HAVCR2: variants seen among roughly 807,000 people sequenced by gnomAD.
HAVCR2 encodes the protein T cell immunoglobulin mucin 3.
HAVCR2 carries 13 observed loss-of-function variants against 24.7 expected under a neutral mutation model. That is an observed-to-expected ratio of 0.53 (90% CI 0.34 to 0.84). The LOEUF (loss-of-function observed/expected upper bound fraction) is 0.84, where lower values mean the gene tolerates loss of function less well. Ranked by LOEUF, HAVCR2 falls within the 40% of genes least tolerant of loss-of-function variation. The pLI, the probability that HAVCR2 is intolerant of heterozygous loss-of-function variation, is 0.01. For synonymous variants in HAVCR2, 154 were observed against 143.4 expected (o/e 1.07, Z -0.53); for missense variants, 343 against 371.2 (o/e 0.92, Z 0.62).
intron 5 of HAVCR2, 88 bp downstream of exon 5, chr5:157,095,218 A>C: frequency 2.1e-6 from 3 of 1,411,172 alleles, no homozygotes; most frequent in Non-Finnish European, 2.9e-6. Flanking sequence ...CTTTGGGTAT[A>C]AACATGAATT....
intron 1 of HAVCR2, among the ~76,000 whole-genome samples, chr5:157,108,319 C>T (rs1757281861): frequency 6.6e-6 from 1 of 151,882 alleles, no homozygotes; most frequent in African/African-American, 2.4e-5. Context: ...CCTGTCTCTA[C>T]TAAAAATTAA....
chr5:157,102,485 A>G (rs1438204135), intron 3 of HAVCR2, among the ~76,000 whole-genome samples: 1 of 152,068 alleles, frequency 6.6e-6, no homozygotes, highest in Non-Finnish European at 1.5e-5. Context: ...ATTCATTTCA[A>G]TTTTTTATTT....
chr5:157,099,103 C>A (rs948866054), intron 3 of HAVCR2, among the ~76,000 whole-genome samples: 1 of 152,082 alleles, frequency 6.6e-6, no homozygotes, highest in Non-Finnish European at 1.5e-5. Context: ...TTTAGGATGG[C>A]CACATTTTTT....
Position 157,095,355 on chromosome 5 carries a change from G to C in HAVCR2, c.627C>G (p.Ile209Met). 1 of 1,614,140 alleles carries C rather than the reference G, an allele frequency of 6.2e-7. No individual in the cohort carries two copies. Among genetic ancestry groups the C allele is most frequent in the Non-Finnish European group, 8.5e-7 (1 of 1,180,016 alleles). The change falls in exon 5 of 7, where the codon ATC (isoleucine) becomes ATG (methionine). Residue 209 changes from isoleucine to methionine, a missense_variant. Transcript: ENST00000307851. ...IRIGIYIGAG[I>M]CAGLALALIF... ...TAAGAGCCAGAGCCAGCCCAGCACA[G>C]ATCCCTGCTCCGATGTAGATGCCTA...
chr5:157,104,645 C>G, intron 3 of HAVCR2, 21 bp downstream of exon 3: 1 of 1,546,728 alleles, frequency 6.5e-7, no homozygotes, highest in Non-Finnish European at 8.9e-7. Flanking sequence ...AGATTCCCTC[C>G]TCTGCCCCAT....
chr5:157,098,909 AAGAGAG>A lies in HAVCR2; in HGVS notation c.479-14_479-9del, dbSNP rs70984443. ...CCAGTGTCTGTGTCTCTGCTATAAAAAGAGAGAGAGAGAGAGAGAGAGGAAAAATAG... is the reference window on the plus strand; with the variant it reads ...CCAGTGTCTGTGTCTCTGCTATAAAAAGAGAGAGAGAGAGAGGAAAAATAG... On this transcript the variant is annotated splice_polypyrimidine_tract_variant and intron_variant, in intron 3 of 6. Transcript: ENST00000307851. 49 of 1,567,250 alleles carry A rather than the reference AAGAGAG, an allele frequency of 3.1e-5. No individual in the cohort carries two copies. Among genetic ancestry groups the A allele is most frequent in the Middle Eastern group, 1.7e-4 (1 of 5,934 alleles).
At chr5:157,089,051 C>G in intron 5 of HAVCR2, 74 bp from the exon 6 acceptor site, 1 of 1,331,622 alleles carries the variant, frequency 7.5e-7, no homozygotes, top group Non-Finnish European at 1.1e-6. Context: ...AATAGGTTCA[C>G]TGGAAGCACG....
intron 3 of HAVCR2, among the ~76,000 whole-genome samples, chr5:157,100,945 A>G (rs1251505067): frequency 4.6e-5 from 7 of 151,968 alleles, no homozygotes; most frequent in African/African-American, 1.7e-4. Flanking sequence ...AAATACAAAA[A>G]ATTAGCCGGG....
At chr5:157,098,695 T>G (rs1487026626) in intron 4 of HAVCR2, among the ~76,000 whole-genome samples, 163 bp downstream of exon 4, 1 of 152,198 alleles carries the variant, frequency 6.6e-6, no homozygotes, top group Non-Finnish European at 1.5e-5. Flanking sequence ...AGCAGGCCTA[T>G]GAGGTTAGAA....
chr5:157,097,379 C>T (rs1008533992), intron 4 of HAVCR2, among the ~76,000 whole-genome samples: 1 of 151,774 alleles, frequency 6.6e-6, no homozygotes, highest in Admixed American at 6.6e-5. Context: ...CTCAGCCTCC[C>T]AAGTAGCTGG....
chr5:157,089,335 A>C (rs1756959152), intron 5 of HAVCR2, among the ~76,000 whole-genome samples: 10 of 152,142 alleles, frequency 6.6e-5, no homozygotes, highest in Non-Finnish European at 1.5e-5. Flanking sequence ...CCCCAGACCC[A>C]AGACCAGCCT....
In HAVCR2 at chr5:157,087,048, C is replaced by T. The variant is rs2113682402; in HGVS notation, c.*54G>A. On this transcript the variant is annotated 3_prime_UTR_variant, in exon 7 of 7. Transcript: ENST00000307851. ...CTCCAAAACCAGTCAGGTGACACAG[C>T]TCATAGTTTCTGAAAAAGACAAAAC... 2 of 1,531,932 alleles carry T rather than the reference C, an allele frequency of 1.3e-6. No homozygotes were observed. The highest frequency in any genetic ancestry group is 1.8e-6 in the Non-Finnish European group (2 of 1,111,640). 94.9% of individuals were successfully genotyped at this position (1,531,932 alleles called of 1,614,324 possible).
At chr5:157,091,291 C>CA (rs1450289013) in intron 5 of HAVCR2, among the ~76,000 whole-genome samples, 2 of 152,014 alleles carry the variant, frequency 1.3e-5, no homozygotes, top group Non-Finnish European at 2.9e-5. Flanking sequence ...ACTAAAAATA[C>CA]AAAATTAGCC....
At chr5:157,108,583 G>C (rs1561625052) in intron 1 of HAVCR2, among the ~76,000 whole-genome samples, 1 of 152,086 alleles carries the variant, frequency 6.6e-6, no homozygotes, top group Non-Finnish European at 1.5e-5. Context: ...ACCATTCCCT[G>C]GTTCCTTTTC....
chr5:157,098,266 G>C (rs1757121824), intron 4 of HAVCR2, among the ~76,000 whole-genome samples: 1 of 152,134 alleles, frequency 6.6e-6, no homozygotes, highest in African/African-American at 2.4e-5. Flanking sequence ...AATTAGCCGG[G>C]TGTGGTGGCT....
intron 5 of HAVCR2, among the ~76,000 whole-genome samples, chr5:157,094,455 C>T (rs1757063407): frequency 6.6e-6 from 1 of 151,822 alleles, no homozygotes; most frequent in South Asian, 2.1e-4. Flanking sequence ...ATGATCTGAG[C>T]TCACTGTAAC....
Position 157,086,044 on chromosome 5 carries a change from C to G in HAVCR2, c.*1058G>C, listed in dbSNP as rs1480320619. The G allele has an allele frequency of 1.3e-5, 2 of 152,234 alleles. No individual in the cohort carries two copies. The highest frequency in any genetic ancestry group is 4.8e-5 in the African/African-American group (2 of 41,470). 9.4% of individuals were successfully genotyped at this position (152,234 alleles called of 1,614,324 possible). A position where few individuals can be genotyped will look rare whatever the true frequency, so the allele number is the denominator to read the frequency against. On this transcript the variant is annotated 3_prime_UTR_variant, in exon 7 of 7. Transcript: ENST00000307851. Reference sequence around the variant, plus strand: ...GGCAACAGAATTTGTGTCCCCGTCACTGCTTCTTCTTCTGTGAAAAATATA... The same window carrying G: ...GGCAACAGAATTTGTGTCCCCGTCAGTGCTTCTTCTTCTGTGAAAAATATA...
In HAVCR2 at chr5:157,093,899, C is replaced by T. The variant is rs1256405385; in HGVS notation, c.676+1407G>A. ...GGCAGAGGTTACAGTGAGCTGAGAT[C>T]GTGCCACTGCACTCCAGCGTCCATC... On this transcript the variant is annotated intron_variant, in intron 5 of 6. Coordinates refer to ENST00000307851, the MANE Select transcript of HAVCR2 (RefSeq NM_032782.5). Among the ~76,000 whole-genome samples, 6 of 152,174 alleles carry T rather than the reference C, an allele frequency of 3.9e-5. No individual in the cohort carries two copies. In the South Asian group the frequency reaches 6.2e-4, roughly 16 times the overall value.
chr5:157,089,655 T>C (rs760728179), intron 5 of HAVCR2, among the ~76,000 whole-genome samples: 6 of 151,868 alleles, frequency 4.0e-5, no homozygotes, highest in Non-Finnish European at 8.8e-5. Flanking sequence ...GAGAGGGTGG[T>C]CAGGGAAGGA....
Sources: gnomAD v4.1 joint callset for allele counts (sites outside exome capture counted in the v4.1 genomes callset) on GRCh38, gnomAD v4.1.1 for gene constraint, MANE v1.5 for transcripts, NCBI Gene and HGNC (gene_info 2026-07-23, HGNC 2026-07-21) for gene names.